OSBP2: variants seen among roughly 807,000 people sequenced by gnomAD.
OSBP2 encodes oxysterol-binding protein 2.
A neutral mutation model predicts 96.0 loss-of-function variants in OSBP2; 66 were observed. The observed-to-expected ratio is 0.69, with a 90% CI of 0.56 to 0.84. The LOEUF is 0.84. OSBP2 is among the 40% of genes least tolerant of loss of function. The pLI is 0.00. For missense variants in OSBP2, 1,038 were observed against 1,222.7 expected (o/e 0.85, Z 2.25); for synonymous variants, 525 against 520.9 (o/e 1.01, Z -0.11).
At chr22:30,756,992 C>CA (rs1203347264) in intron 2 of OSBP2, among the ~76,000 whole-genome samples, 1 of 151,986 alleles carries the variant, frequency 6.6e-6, no homozygotes, top group African/African-American at 2.4e-5. Context: ...GTGACCCCTT[C>CA]CAACCATGCA....
intron 2 of OSBP2, among the ~76,000 whole-genome samples, chr22:30,847,409 G>A (rs2038891747): frequency 6.6e-6 from 1 of 151,938 alleles, no homozygotes; most frequent in Non-Finnish European, 1.5e-5. Context: ...AGCCTCCCGA[G>A]CAGCTGGGAC....
chr22:30,753,249 G>A (rs943054192), intron 2 of OSBP2, among the ~76,000 whole-genome samples: 7 of 152,156 alleles, frequency 4.6e-5, no homozygotes, highest in Non-Finnish European at 1.0e-4. Flanking sequence ...GGTGGCTGGA[G>A]GTGGGGTGTG....
intron 1 of OSBP2, among the ~76,000 whole-genome samples, chr22:30,706,080 A>T (rs1222116518): frequency 6.6e-6 from 1 of 152,142 alleles, no homozygotes; most frequent in Non-Finnish European, 1.5e-5. Flanking sequence ...AGAGAGGGGA[A>T]ATGGGCCTGT....
intron 1 of OSBP2, among the ~76,000 whole-genome samples, chr22:30,715,856 C>CTT (rs56747830): frequency 1.6e-4 from 21 of 130,270 alleles, no homozygotes; most frequent in South Asian, 5.2e-4. Flanking sequence ...CACACCTAAC[C>CTT]TTTTTTTTTT....
intron 2 of OSBP2, among the ~76,000 whole-genome samples, chr22:30,790,967 T>C (rs1045937528): frequency 1.3e-5 from 2 of 152,188 alleles, no homozygotes; most frequent in African/African-American, 4.8e-5. Context: ...TTTATTTTTC[T>C]TTCATTTTTT....
At chr22:30,695,968 A>C (rs753426284) in intron 1 of OSBP2, among the ~76,000 whole-genome samples, 1 of 152,078 alleles carries the variant, frequency 6.6e-6, no homozygotes, top group Non-Finnish European at 1.5e-5. Context: ...TTCAGTCCTT[A>C]GGACCCACAC....
intron 2 of OSBP2, among the ~76,000 whole-genome samples, chr22:30,795,458 A>G (rs2090743670): frequency 6.7e-6 from 1 of 150,098 alleles, no homozygotes; most frequent in Non-Finnish European, 1.5e-5. Flanking sequence ...ACATGTCTTT[A>G]TGCACTCTTC....
intron 2 of OSBP2, chr22:30,844,598 G>C (rs1318983054): frequency 6.6e-6 from 1 of 152,616 alleles, no homozygotes; most frequent in Non-Finnish European, 1.5e-5. Flanking sequence ...GAGAGTTAAG[G>C]GCTTGCTCTG....
rs2039627116 is a variant in OSBP2 at position 30,878,270 on chromosome 22, C to T, written c.1107+7588C>T. ...ATCCCACGTGCATTTTAGCAAGACC[C>T]CTCTGCTGTTTGGAGAATGCGCTAT... On this transcript the variant is annotated intron_variant, in intron 3 of 13. Transcript: ENST00000332585. 2.6e-5 allele frequency among the ~76,000 whole-genome samples: 4 copies of T among 152,254 alleles called. No individual in the cohort carries two copies. In the South Asian group the frequency reaches 6.2e-4, roughly 24 times the overall value.
At chr22:30,894,481 C>T (rs142026839) in intron 12 of OSBP2, 452 of 157,006 alleles carry the variant, frequency 2.9e-3, no homozygotes, top group Non-Finnish European at 4.9e-3. Flanking sequence ...CAGGAAGCTA[C>T]AGGGAGAAGA....
intron 3 of OSBP2, among the ~76,000 whole-genome samples, chr22:30,885,334 C>A (rs1225237259): frequency 3.3e-5 from 5 of 152,102 alleles, no homozygotes; most frequent in African/African-American, 1.2e-4. Flanking sequence ...CCAGAAAGGG[C>A]AAATCCAGAG....
chr22:30,872,302 C>A, intron 3 of OSBP2: 1 of 456,652 alleles, frequency 2.2e-6, no homozygotes, highest in Non-Finnish European at 4.4e-6. Flanking sequence ...TTCCCTGTCC[C>A]TCCCAGAAGC....
intron 2 of OSBP2, among the ~76,000 whole-genome samples, chr22:30,828,587 AG>A (rs1358985035): frequency 6.6e-6 from 1 of 152,156 alleles, no homozygotes; most frequent in African/African-American, 2.4e-5. Context: ...GCGAGTGGGC[AG>A]GGATCCCAGC....
intron 2 of OSBP2, among the ~76,000 whole-genome samples, chr22:30,834,766 A>G (rs186624492): frequency 1.3e-5 from 2 of 151,412 alleles, no homozygotes; most frequent in African/African-American, 2.4e-5. Context: ...ATACATTTTC[A>G]GAAATATTTT....
chr22:30,706,511 A>G (rs1215499989), intron 1 of OSBP2, among the ~76,000 whole-genome samples: 2 of 152,138 alleles, frequency 1.3e-5, no homozygotes, highest in Non-Finnish European at 2.9e-5. Flanking sequence ...AGGAGGGCAG[A>G]TGGTGTGGCT....
chr22:30,823,042 C>T (rs2038316520), intron 2 of OSBP2, among the ~76,000 whole-genome samples: 2 of 152,248 alleles, frequency 1.3e-5, no homozygotes, highest in Non-Finnish European at 2.9e-5. Flanking sequence ...ACCCATCTAC[C>T]TCTTCTTCCC....
intron 2 of OSBP2, among the ~76,000 whole-genome samples, chr22:30,836,695 G>A (rs1435536052): frequency 1.3e-5 from 2 of 152,190 alleles, no homozygotes; most frequent in African/African-American, 4.8e-5. Flanking sequence ...AAGAGCTGGT[G>A]GAGCGAGTGG....
intron 1 of OSBP2, among the ~76,000 whole-genome samples, chr22:30,723,249 G>GGCGT: frequency 6.6e-6 from 1 of 152,038 alleles, no homozygotes; most frequent in East Asian, 1.9e-4. Flanking sequence ...TGGGACTACA[G>GGCGT]GTGCGAACCA....
intron 2 of OSBP2, among the ~76,000 whole-genome samples, chr22:30,769,947 A>G (rs1022442810): frequency 2.0e-5 from 3 of 152,076 alleles, no homozygotes; most frequent in African/African-American, 7.2e-5. Context: ...AGATAATTGA[A>G]TCATGGGGTG....
Sources: allele counts gnomAD v4.1 joint callset (sites outside exome capture counted in the v4.1 genomes callset), GRCh38; gene constraint gnomAD v4.1.1; transcripts MANE v1.5; gene names NCBI Gene and HGNC (gene_info 2026-07-23, HGNC 2026-07-21).